SLC22A23: variants seen among roughly 807,000 people sequenced by gnomAD.
The protein encoded by SLC22A23 is solute carrier family 22 member 23.
Under a neutral mutation model 61.0 loss-of-function variants are expected in SLC22A23, and 26 were observed. The ratio of observed to expected loss-of-function variants is 0.43; its 90% confidence interval spans 0.31 to 0.59. The LOEUF is 0.59. SLC22A23 is among the 20% of genes least tolerant of loss of function. The pLI is 0.11. For synonymous variants in SLC22A23, 430 were observed against 413.9 expected, an observed-to-expected ratio of 1.04 and a Z score of -0.47; for missense variants, 796 against 934.7, an observed-to-expected ratio of 0.85 and a Z score of 1.94.
At chr6:3,307,661 G>A (rs1221241834) in intron 4 of SLC22A23, among the ~76,000 whole-genome samples, 3 of 152,210 alleles carry the variant, frequency 2.0e-5, no homozygotes, top group Non-Finnish European at 4.4e-5. Flanking sequence ...CACGGTAGGT[G>A]CATGCTGAGC....
chr6:3,319,429 T>G (rs1487634808), intron 4 of SLC22A23, among the ~76,000 whole-genome samples: 1 of 152,184 alleles, frequency 6.6e-6, no homozygotes, highest in Non-Finnish European at 1.5e-5. Flanking sequence ...ACCACCCTAC[T>G]TGGTACGTAG....
At chr6:3,343,113 G>A (rs564648366) in intron 3 of SLC22A23, among the ~76,000 whole-genome samples, 7 of 152,264 alleles carry the variant, frequency 4.6e-5, no homozygotes, top group African/African-American at 9.6e-5. Flanking sequence ...TGAATTCTTC[G>A]GGAAAGCTCT....
rs1274214813 is a variant in SLC22A23, at chr6:3,327,280, G to T, written c.914-3278C>A. Among the ~76,000 whole-genome samples the T allele has an allele frequency of 6.6e-6, 1 of 152,204 alleles. No homozygotes were observed. The highest frequency in any genetic ancestry group is 2.4e-5 in the African/African-American group (1 of 41,442). ...ACTGTGGAGAGTAGATCACTCACAG[G>T]CAGGTGTCCACAGTGCCCGTGGAAG... is the stretch of plus-strand genomic sequence containing the variant. On this transcript the variant is annotated intron_variant, in intron 3 of 9. Coordinates refer to ENST00000406686, the MANE Select transcript of SLC22A23 (RefSeq NM_015482.2). This position sits in a 1 kb window ranked among gnomAD's most constrained non-coding sequence, Gnocchi z 4.1.
chr6:3,431,068 A>G (rs533681829), intron 1 of SLC22A23, among the ~76,000 whole-genome samples: 2 of 73,664 alleles, frequency 2.7e-5, no homozygotes, highest in South Asian at 6.4e-4. Context: ...CTCCGTCTCA[A>G]AAAAAAAAAA....
chr6:3,432,884 T>C (rs1382737368), intron 1 of SLC22A23, among the ~76,000 whole-genome samples: 1 of 152,218 alleles, frequency 6.6e-6, no homozygotes, highest in Admixed American at 6.5e-5. Flanking sequence ...TGGGAGATAC[T>C]TCCCCAGTGG....
intron 1 of SLC22A23, among the ~76,000 whole-genome samples, chr6:3,455,073 G>T (rs1463685197): frequency 6.6e-6 from 1 of 152,192 alleles, no homozygotes; most frequent in Non-Finnish European, 1.5e-5. Flanking sequence ...TAGGGGCATT[G>T]AGTGTCCACC....
chr6:3,328,056 C>A lies in SLC22A23; in HGVS notation c.914-4054G>T, dbSNP rs888669302. Reference sequence around the variant, plus strand: ...TGCCAAGTCGCTCATTGGTCTCATTCGACATGGTGAGATCCTGTCTCTAAA... The same window carrying A: ...TGCCAAGTCGCTCATTGGTCTCATTAGACATGGTGAGATCCTGTCTCTAAA... On this transcript the variant is annotated intron_variant, in intron 3 of 9. Coordinates refer to ENST00000406686, the MANE Select transcript of SLC22A23 (RefSeq NM_015482.2). This position sits in a 1 kb window ranked among gnomAD's most constrained non-coding sequence, Gnocchi z 5.0. 2.6e-5 allele frequency among the ~76,000 whole-genome samples: 4 copies of A among 151,858 alleles called. No homozygotes were observed. Among genetic ancestry groups the A allele is most frequent in the African/African-American group, 9.7e-5 (4 of 41,276 alleles).
chr6:3,343,961 A>G (rs2127425670), intron 3 of SLC22A23, among the ~76,000 whole-genome samples: 1 of 152,370 alleles, frequency 6.6e-6, no homozygotes, highest in African/African-American at 2.4e-5. Flanking sequence ...TTCCTAAGTT[A>G]GAAAATATTT....
chr6:3,367,587 G>A (rs144203095), intron 3 of SLC22A23, among the ~76,000 whole-genome samples: 69 of 152,248 alleles, frequency 4.5e-4, no homozygotes, highest in African/African-American at 1.5e-3. Flanking sequence ...TTTACAGTCC[G>A]GAGAGGAAAA....
In SLC22A23 at chr6:3,299,124, T is replaced by C. The variant is rs184028583; in HGVS notation, c.1083-906A>G. On this transcript the variant is annotated intron_variant, in intron 4 of 9. Coordinates refer to ENST00000406686, the MANE Select transcript of SLC22A23 (RefSeq NM_015482.2). ...CATAAATATGTACGATTACTATGTG[T>C]CAATTACAAAAATAAAAAAATAATT... Among the ~76,000 whole-genome samples, 495 of 152,284 alleles carry C rather than the reference T, an allele frequency of 3.3e-3. 3 individuals carry two copies. Among genetic ancestry groups the C allele is most frequent in the African/African-American group, 0.011 (477 of 41,530 alleles).
chr6:3,451,912 C>T (rs1378462113), intron 1 of SLC22A23, among the ~76,000 whole-genome samples: 1 of 152,170 alleles, frequency 6.6e-6, no homozygotes, highest in Non-Finnish European at 1.5e-5. Context: ...ATAAGGGCTG[C>T]TTTATTCACC....
chr6:3,353,050 T>G (rs1302963847), intron 3 of SLC22A23, among the ~76,000 whole-genome samples: 1 of 152,248 alleles, frequency 6.6e-6, no homozygotes, highest in African/African-American at 2.4e-5. Context: ...TAAGACTTTT[T>G]ACCCTGTTCT....
chr6:3,295,063 A>G (rs3935360), intron 5 of SLC22A23, among the ~76,000 whole-genome samples: 26,391 of 152,142 alleles, frequency 0.17, 3,338 homozygotes, highest in East Asian at 0.34. Flanking sequence ...TTCATGGCAC[A>G]CCTGCTACGC....
At chr6:3,276,423 C>T (rs1392170059) in intron 9 of SLC22A23, among the ~76,000 whole-genome samples, 1 of 152,234 alleles carries the variant, frequency 6.6e-6, no homozygotes, top group Non-Finnish European at 1.5e-5. Flanking sequence ...CTTCTGCACC[C>T]CCTAGACTTT....
At position 3,317,335 on chromosome 6, in the gene SLC22A23, C is replaced by T. The variant is rs1035955217; in HGVS notation, c.1082+6499G>A. ...ATGTGCCCAGTGCAGGCTGTGGCCA[C>T]CTGGAAGGGGCACCTTTCCGCAGTG... On this transcript the variant is annotated intron_variant, in intron 4 of 9. Coordinates refer to ENST00000406686, the MANE Select transcript of SLC22A23 (RefSeq NM_015482.2). The surrounding 1 kb of genome is among the most constrained non-coding windows in gnomAD (Gnocchi z 4.4). 3.3e-5 allele frequency among the ~76,000 whole-genome samples: 5 copies of T among 152,210 alleles called. No individual in the cohort carries two copies. Among genetic ancestry groups the T allele is most frequent in the African/African-American group, 9.7e-5 (4 of 41,446 alleles).
intron 3 of SLC22A23, among the ~76,000 whole-genome samples, chr6:3,338,937 C>T (rs1394709219): frequency 1.3e-5 from 2 of 152,128 alleles, no homozygotes; most frequent in African/African-American, 4.8e-5. Flanking sequence ...AAGAGAGGTC[C>T]AAAGGAGGTA....
At chr6:3,442,298 C>T (rs1381906293) in intron 1 of SLC22A23, among the ~76,000 whole-genome samples, 1 of 152,126 alleles carries the variant, frequency 6.6e-6, no homozygotes, top group African/African-American at 2.4e-5. Flanking sequence ...GGGACAGTTT[C>T]AGTTTGGGAA....
Position 3,269,387 on chromosome 6 carries a change from A to G in SLC22A23, c.*3668T>C, listed in dbSNP as rs769300663. 3.3e-5 allele frequency: 5 copies of G among 152,466 alleles called. No homozygotes were observed. The highest frequency in any genetic ancestry group is 5.9e-5 in the Non-Finnish European group (4 of 68,042). 9.4% of individuals were successfully genotyped at this position (152,466 alleles called of 1,614,324 possible). ...ATGAACACGGAGGATTTTATTACTC[A>G]CCATTAATGGTAGTGAAATGCCCTT... On this transcript the variant is annotated 3_prime_UTR_variant, in exon 10 of 10. Transcript: ENST00000406686.
intron 8 of SLC22A23, 180 bp from the exon 9 acceptor site, chr6:3,284,155 A>G (rs1759747722): frequency 1.8e-6 from 1 of 562,968 alleles, no homozygotes; most frequent in Non-Finnish European, 3.1e-6. Flanking sequence ...GAGCCCCTGC[A>G]GTGGGTTTTG....
Sources: allele counts gnomAD v4.1 joint callset (sites outside exome capture counted in the v4.1 genomes callset), GRCh38; gene constraint gnomAD v4.1.1; non-coding constraint Gnocchi (gnomAD v3.1); transcripts MANE v1.5; gene names NCBI Gene and HGNC (gene_info 2026-07-23, HGNC 2026-07-21).